The following TRPV5 variants were observed in gnomAD, a reference collection of about 807,000 sequenced individuals.
TRPV5 encodes the protein transient receptor potential cation channel subfamily V member 5.
A neutral mutation model predicts 74.1 loss-of-function variants in TRPV5; 66 were observed. The ratio of observed to expected loss-of-function variants is 0.89; its 90% CI spans 0.73 to 1.09. The LOEUF (loss-of-function observed/expected upper bound fraction) is 1.09. Ranked by LOEUF, TRPV5 falls within the 50% of genes least tolerant of loss-of-function variation. TRPV5 has a pLI of 0.00. For synonymous variants in TRPV5, 399 were observed against 360.7 expected, an observed-to-expected ratio of 1.11 and a Z score of -1.20; for missense variants, 936 against 930.4, an observed-to-expected ratio of 1.01 and a Z score of -0.08.
intron 8 of TRPV5, chr7:142,925,208 T>G: frequency 1.9e-6 from 1 of 539,086 alleles, no homozygotes; most frequent in South Asian, 2.7e-5. Flanking sequence ...AGCAATAGAG[T>G]TTACCTTGAA....
At chr7:142,912,129 T>G (rs751396567) in intron 13 of TRPV5, among the ~76,000 whole-genome samples, 3 of 152,132 alleles carry the variant, frequency 2.0e-5, no homozygotes, top group Non-Finnish European at 2.9e-5. Flanking sequence ...AAAGAAAAGA[T>G]CATAGAGAAA....
chr7:142,918,932 G>C (rs1010030515), intron 8 of TRPV5, among the ~76,000 whole-genome samples: 1 of 152,216 alleles, frequency 6.6e-6, no homozygotes, highest in African/African-American at 2.4e-5. Context: ...AACCCTCCCT[G>C]CTATGGCCCC....
intron 7 of TRPV5, among the ~76,000 whole-genome samples, chr7:142,927,412 A>G (rs1796006652): frequency 6.6e-6 from 1 of 152,226 alleles, no homozygotes; most frequent in Admixed American, 6.5e-5. Flanking sequence ...TGCTTGTATT[A>G]GTCCATTCTC....
At chr7:142,915,141 G>A in intron 10 of TRPV5, 95 bp from the exon 11 acceptor site, 2 of 1,541,314 alleles carry the variant, frequency 1.3e-6, no homozygotes, top group South Asian at 1.2e-5. Flanking sequence ...ACACACTCAG[G>A]CTTAGTCTTT....
chr7:142,914,565 TGA>T, intron 12 of TRPV5, 73 bp downstream of exon 12: 1 of 1,259,972 alleles, frequency 7.9e-7, no homozygotes, highest in Non-Finnish European at 1.1e-6. Flanking sequence ...AAATGAGAAC[TGA>T]GAGCAAGAAT....
Position 142,914,912 on chromosome 7 carries a change from A to G in TRPV5, c.1421T>C (p.Met474Thr). 1 of 1,614,180 alleles carries G rather than the reference A, an allele frequency of 6.2e-7. No individual in the cohort carries two copies. The highest frequency in any genetic ancestry group is 8.5e-7 in the Non-Finnish European group (1 of 1,180,032). Residue 474 changes from methionine to threonine, a missense_variant, in exon 11 of 15, where the codon ATG (methionine) becomes ACG (threonine). Transcript: ENST00000265310. ...SVMYFTRGFQ[M>T]LGPFTIMIQK... Reference sequence around the variant, plus strand: ...GATCATGATGGTGAAGGGACCCAGCATCTGGAATCCTCGAGTGAAATACAT... The same window carrying G: ...GATCATGATGGTGAAGGGACCCAGCGTCTGGAATCCTCGAGTGAAATACAT...
intron 8 of TRPV5, among the ~76,000 whole-genome samples, chr7:142,922,812 T>C (rs1795907842): frequency 6.6e-6 from 1 of 152,180 alleles, no homozygotes; most frequent in South Asian, 2.1e-4. Context: ...TATATGGAGA[T>C]AAGAAGTTAA....
rs747555040 is a variant in TRPV5 at position 142,908,541 on chromosome 7, C to A, written c.2163G>T (p.Gly721=). The change falls in exon 15 of 15, where the codon GGG becomes GGT. Residue 721 remains glycine, a synonymous_variant. Coordinates refer to ENST00000265310, the MANE Select transcript of TRPV5 (RefSeq NM_019841.7). ...HLNLGLNLSE[G]DGEEVYHF ...AAAAATGGTAGACCTCCTCTCCATCCCCCTCACTAAGGTTCAGTCCAAGAT... is the reference window on the plus strand; with the variant it reads ...AAAAATGGTAGACCTCCTCTCCATCACCCTCACTAAGGTTCAGTCCAAGAT... 1.2e-6 allele frequency: 2 copies of A among 1,614,196 alleles called. No individual in the cohort carries two copies. The highest frequency in any genetic ancestry group is 8.5e-7 in the Non-Finnish European group (1 of 1,180,026).
At chr7:142,922,240 T>G (rs1452518798) in intron 8 of TRPV5, among the ~76,000 whole-genome samples, 2 of 152,172 alleles carry the variant, frequency 1.3e-5, no homozygotes, top group Non-Finnish European at 2.9e-5. Flanking sequence ...TATATGAGGC[T>G]CTCAATAATA....
rs374292019 is a variant in TRPV5 at position 142,914,726 on chromosome 7, G to A, written c.1453-20C>T. The A allele has an allele frequency of 6.2e-7, 1 of 1,612,652 alleles. No homozygotes were observed. Among genetic ancestry groups the A allele is most frequent in the African/African-American group, 1.3e-5 (1 of 74,870 alleles). Reference sequence around the variant, plus strand: ...AATCATCTGCAGGAAACAGAAGGAAGAAAGGGTGGGATGATTCCTTTTCCA... The same window carrying A: ...AATCATCTGCAGGAAACAGAAGGAAAAAAGGGTGGGATGATTCCTTTTCCA... On this transcript the variant is annotated intron_variant, in intron 11 of 14. Coordinates refer to ENST00000265310, the MANE Select transcript of TRPV5 (RefSeq NM_019841.7).
At chr7:142,930,257 C>A in intron 2 of TRPV5, 77 bp from the exon 3 acceptor site, 1 of 1,606,370 alleles carries the variant, frequency 6.2e-7, no homozygotes, top group South Asian at 1.1e-5. Context: ...CCAGAGACAC[C>A]CTCCAAGGCC....
At chr7:142,928,652 C>T (rs1049103704) in intron 6 of TRPV5, 39 bp downstream of exon 6, 1 of 1,593,226 alleles carries the variant, frequency 6.3e-7, no homozygotes, top group African/African-American at 1.3e-5. Flanking sequence ...GGTTGAGGGT[C>T]ATTAGAAAGA....
chr7:142,930,237 G>T, intron 2 of TRPV5, 57 bp from the exon 3 acceptor site: 1 of 1,607,626 alleles, frequency 6.2e-7, no homozygotes, highest in South Asian at 1.1e-5. Flanking sequence ...TGAGGAAGGG[G>T]CCTCAGGCTC....
chr7:142,925,867 G>T, intron 7 of TRPV5, 126 bp from the exon 8 acceptor site: 1 of 798,406 alleles, frequency 1.3e-6, no homozygotes, highest in Non-Finnish European at 2.1e-6. Flanking sequence ...TTATTTGACG[G>T]ACAAATAGTA....
chr7:142,924,337 C>CATATATATATACATATACATGTAT (rs1795941536), intron 8 of TRPV5, among the ~76,000 whole-genome samples: 5 of 10,460 alleles, frequency 4.8e-4, no homozygotes, highest in Non-Finnish European at 1.3e-3. Flanking sequence ...TATATATATA[C>CATATATATATACATATACATGTAT]ATATATATAT....
At chr7:142,926,302 G>C (rs1310456894) in intron 7 of TRPV5, among the ~76,000 whole-genome samples, 5 of 152,218 alleles carry the variant, frequency 3.3e-5, no homozygotes, top group Non-Finnish European at 7.3e-5. Context: ...AGAAGCAATG[G>C]AGGTTACAGG....
chr7:142,929,932 C>A, intron 3 of TRPV5, 126 bp downstream of exon 3: 2 of 1,444,312 alleles, frequency 1.4e-6, no homozygotes, highest in Non-Finnish European at 9.5e-7. Flanking sequence ...CCCAACTCAA[C>A]GGAGCCCATC....
intron 13 of TRPV5, among the ~76,000 whole-genome samples, chr7:142,911,190 T>C (rs988146138): frequency 1.3e-5 from 2 of 152,154 alleles, no homozygotes; most frequent in African/African-American, 4.8e-5. Flanking sequence ...ACAAACACGA[T>C]GGGAGAGCTT....
chr7:142,914,119 G>A (rs573109307), intron 12 of TRPV5, among the ~76,000 whole-genome samples: 1 of 152,214 alleles, frequency 6.6e-6, no homozygotes, highest in Non-Finnish European at 1.5e-5. Context: ...TCTTCAAACT[G>A]TCCAAGCTGT....
Sources: allele counts gnomAD v4.1 joint callset (sites outside exome capture counted in the v4.1 genomes callset), GRCh38; gene constraint gnomAD v4.1.1; transcripts MANE v1.5; gene names NCBI Gene and HGNC (gene_info 2026-07-23, HGNC 2026-07-21).